Variants in DCUN1D4 observed in about 807,000 individuals in gnomAD.
DCUN1D4 encodes the protein defective in cullin neddylation 1 domain containing 4.
A neutral mutation model predicts 47.9 loss-of-function variants in DCUN1D4; 22 were observed. The ratio of observed to expected loss-of-function variants is 0.46; its 90% CI spans 0.33 to 0.66. DCUN1D4 has a LOEUF of 0.66. Among genes scored for constraint, DCUN1D4 ranks in the 30% least tolerant of loss-of-function variants. The pLI is 0.02. For synonymous variants in DCUN1D4, 121 were observed against 112.2 expected, an observed-to-expected ratio of 1.08 and a Z score of -0.50; for missense variants, 301 against 340.8, an observed-to-expected ratio of 0.88 and a Z score of 0.92.
rs1449976256 is a variant in DCUN1D4, at chr4:51,863,803, G to A, written c.136+94G>A. 10 of 1,300,776 alleles carry A rather than the reference G, an allele frequency of 7.7e-6. No homozygotes were observed. The East Asian group carries it at 2.4e-4, about 31-fold the overall frequency. 80.6% of individuals were successfully genotyped at this position (1,300,776 alleles called of 1,614,324 possible). A position where few individuals can be genotyped will look rare whatever the true frequency, so the allele number is the denominator to read the frequency against. On this transcript the variant is annotated intron_variant, in intron 3 of 10. Transcript: ENST00000334635. ...TATGAATGCGCTATGTTGTCATAAT[G>A]TACTCCATTAACAAATTGTTCCTTG...
upstream of DCUN1D4, among the ~76,000 whole-genome samples, chr4:51,838,583 T>C (rs1721554286): frequency 6.6e-6 from 1 of 152,128 alleles, no homozygotes; most frequent in Non-Finnish European, 1.5e-5. Flanking sequence ...GGTCTCCCTG[T>C]GTTGGCCCAG....
intron 3 of DCUN1D4, among the ~76,000 whole-genome samples, chr4:51,872,893 C>T (rs1044098029): frequency 6.6e-6 from 1 of 152,254 alleles, no homozygotes; most frequent in African/African-American, 2.4e-5. Flanking sequence ...TGCCTCCTTC[C>T]GTGATGCTGC....
chr4:51,854,476 C>G (rs1489518360), intron 1 of DCUN1D4, among the ~76,000 whole-genome samples: 1 of 152,190 alleles, frequency 6.6e-6, no homozygotes, highest in Non-Finnish European at 1.5e-5. Flanking sequence ...CTGTAACCCT[C>G]CAGGATACTA....
chr4:51,865,393 C>CAT (rs929861476), intron 3 of DCUN1D4: 2 of 165,122 alleles, frequency 1.2e-5, no homozygotes, highest in African/African-American at 2.4e-5. Flanking sequence ...CTGTACAGGT[C>CAT]ATAGCCTGCA....
intron 1 of DCUN1D4, chr4:51,848,148 A>G (rs1307609675): frequency 5.6e-6 from 7 of 1,261,132 alleles, no homozygotes; most frequent in East Asian, 5.7e-5. Context: ...CATTCTTTGC[A>G]TTTTTTAGAC....
chr4:51,860,711 C>T, intron 1 of DCUN1D4: 4 of 449,566 alleles, frequency 8.9e-6, no homozygotes, highest in South Asian at 1.6e-5. Context: ...CCCATAAGAA[C>T]TCACTCACTG....
In DCUN1D4 at chr4:51,912,367, C is replaced by G. The variant is rs181567911; in HGVS notation, c.721-923C>G. Among the ~76,000 whole-genome samples, 337 of 152,222 alleles carry G rather than the reference C, an allele frequency of 2.2e-3. 3 individuals carry two copies. Among genetic ancestry groups the G allele is most frequent in the Non-Finnish European group, 7.1e-4 (48 of 67,984 alleles). Reference sequence around the variant, plus strand: ...CAGGACTGGTTTTTGCTTTTACCTGCTTAGAAAGTTAAACTTGTAGTCTGT... The same window carrying G: ...CAGGACTGGTTTTTGCTTTTACCTGGTTAGAAAGTTAAACTTGTAGTCTGT... On this transcript the variant is annotated intron_variant, in intron 9 of 10. Coordinates refer to ENST00000334635, the MANE Select transcript of DCUN1D4 (RefSeq NM_001040402.3).
intron 6 of DCUN1D4, among the ~76,000 whole-genome samples, chr4:51,888,287 C>G (rs1485079732): frequency 6.6e-6 from 1 of 152,124 alleles, no homozygotes; most frequent in Non-Finnish European, 1.5e-5. Context: ...CATTTAGTCT[C>G]AGAGGCAGAA....
chr4:51,911,293 C>T, intron 9 of DCUN1D4, 119 bp downstream of exon 9: 3 of 867,222 alleles, frequency 3.5e-6, no homozygotes, highest in Non-Finnish European at 5.5e-6. Context: ...GTAGGAATTA[C>T]GGTGACATAA....
chr4:51,865,294 C>T lies in DCUN1D4; in HGVS notation c.136+1585C>T, dbSNP rs184992075. ...TTGCAGCCAAGCCAGCGTGGAGCTA[C>T]TCTTCCACAACACCTGGAAGGAGGA... is the stretch of plus-strand genomic sequence containing the variant. On this transcript the variant is annotated intron_variant, in intron 3 of 10. Transcript: ENST00000334635. 172 of 231,634 alleles carry T rather than the reference C, an allele frequency of 7.4e-4. 2 individuals are homozygous for T. The East Asian group carries it at 0.013, about 18-fold the overall frequency. 14.3% of individuals were successfully genotyped at this position (231,634 alleles called of 1,614,324 possible).
intron 1 of DCUN1D4, among the ~76,000 whole-genome samples, chr4:51,856,042 A>T (rs146169586): frequency 1.9e-4 from 29 of 152,296 alleles, no homozygotes; most frequent in African/African-American, 6.5e-4. Flanking sequence ...GATGAATCCC[A>T]GTTAGAGAGG....
intron 7 of DCUN1D4, among the ~76,000 whole-genome samples, chr4:51,898,828 G>C (rs1731670187): frequency 6.6e-6 from 1 of 152,214 alleles, no homozygotes; most frequent in South Asian, 2.1e-4. Flanking sequence ...TCCTTGATTG[G>C]ATCCTGATTG....
chr4:51,894,587 T>A lies in DCUN1D4; in HGVS notation c.506+2736T>A, dbSNP rs562140847. On this transcript the variant is annotated intron_variant, in intron 7 of 10. Transcript: ENST00000334635. ...CTTGTCTTTATGCCAGTAAAGTAAC[T>A]AAATAAGCATTGTATTTGTGAAGTA... 2.6e-5 allele frequency among the ~76,000 whole-genome samples: 4 copies of A among 152,294 alleles called. No individual in the cohort carries two copies. In the South Asian group the frequency reaches 8.3e-4, roughly 32 times the overall value.
rs191471304 is a variant in DCUN1D4, at chr4:51,882,528, G to T, written c.344-4040G>T. ...CATGCCTATAATCTCAGCACTTGGG[G>T]AGGCCGAGGCGGGCGGATCACGAGG... On this transcript the variant is annotated intron_variant, in intron 5 of 10. Coordinates refer to ENST00000334635, the MANE Select transcript of DCUN1D4 (RefSeq NM_001040402.3). 3.2e-3 allele frequency among the ~76,000 whole-genome samples: 487 copies of T among 152,276 alleles called. 1 individual carries two copies. The highest frequency in any genetic ancestry group is 0.011 in the African/African-American group (461 of 41,566).
At chr4:51,851,349 C>A (rs1723334032) in intron 1 of DCUN1D4, among the ~76,000 whole-genome samples, 1 of 152,134 alleles carries the variant, frequency 6.6e-6, no homozygotes, top group Admixed American at 6.5e-5. Context: ...GAATGGTTAG[C>A]AGTTGTCATG....
At chr4:51,878,713 A>G (rs530677608) in intron 5 of DCUN1D4, among the ~76,000 whole-genome samples, 27 of 152,332 alleles carry the variant, frequency 1.8e-4, no homozygotes, top group African/African-American at 6.5e-4. Flanking sequence ...TTTGCCTGAA[A>G]TGATTTTCTC....
intron 9 of DCUN1D4, among the ~76,000 whole-genome samples, chr4:51,913,031 C>G (rs1192796897): frequency 6.6e-6 from 1 of 152,100 alleles, no homozygotes; most frequent in African/African-American, 2.4e-5. Context: ...ATTTTCACTT[C>G]TGGGGATATA....
chr4:51,844,828 G>C, intron 1 of DCUN1D4: 1 of 985,350 alleles, frequency 1.0e-6, no homozygotes, highest in African/African-American at 1.7e-5. Context: ...GGGTGCACGT[G>C]GGTAACTGTG....
chr4:51,887,043 T>G (rs1336417296), intron 6 of DCUN1D4: 1 of 453,386 alleles, frequency 2.2e-6, no homozygotes, highest in Non-Finnish European at 4.4e-6. Flanking sequence ...TTGAGTAGAT[T>G]GTAATCATCA....
Sources: allele counts gnomAD v4.1 joint callset (sites outside exome capture counted in the v4.1 genomes callset), GRCh38; gene constraint gnomAD v4.1.1; transcripts MANE v1.5; gene names NCBI Gene and HGNC (gene_info 2026-07-23, HGNC 2026-07-21).